HPSE2: variants seen among roughly 807,000 people sequenced by gnomAD.
The protein encoded by HPSE2 is inactive heparanase-2.
In HPSE2, 38 loss-of-function variants were observed where a neutral mutation model predicts 60.5. The ratio of observed to expected loss-of-function variants is 0.63; its 90% confidence interval spans 0.48 to 0.82. The LOEUF is 0.82. Among genes scored for constraint, HPSE2 ranks in the 40% least tolerant of loss-of-function variants. The pLI, the probability that HPSE2 is intolerant of heterozygous loss-of-function variation, is 0.00. For synonymous variants in HPSE2, 295 were observed against 293.2 expected (o/e 1.01, Z -0.06); for missense variants, 713 against 740.4 (o/e 0.96, Z 0.43).
intron 5 of HPSE2, among the ~76,000 whole-genome samples, chr10:98,703,500 A>G (rs1948467380): frequency 6.6e-6 from 1 of 152,052 alleles, no homozygotes; most frequent in Non-Finnish European, 1.5e-5. Flanking sequence ...CTTCAGGCCA[A>G]TATCGAAGCA....
intron 3 of HPSE2, among the ~76,000 whole-genome samples, chr10:98,776,809 T>C (rs376477576): frequency 4.0e-5 from 6 of 151,544 alleles, no homozygotes; most frequent in African/African-American, 1.4e-4. Flanking sequence ...TATTAGATGA[T>C]TATTGAATCA....
the HPSE2 span, among the ~76,000 whole-genome samples, chr10:99,313,588 T>C: frequency 2.0e-4 from 24 of 118,626 alleles, no homozygotes; most frequent in South Asian, 6.3e-4. Context: ...GATGACTGAC[T>C]CCAATTTTTT....
chr10:99,002,842 C>T (rs969308885), intron 3 of HPSE2, among the ~76,000 whole-genome samples: 25 of 151,970 alleles, frequency 1.6e-4, no homozygotes, highest in African/African-American at 6.0e-4. Flanking sequence ...TGGAATGGAT[C>T]AACTAAGCTA....
At position 98,482,622 on chromosome 10, in the gene HPSE2, A is replaced by C. The variant is rs746055381; in HGVS notation, c.1613+14T>G. 4 of 1,613,900 alleles carry C rather than the reference A, an allele frequency of 2.5e-6. No individual in the cohort carries two copies. The East Asian group carries it at 8.9e-5, about 36-fold the overall frequency. Reference sequence around the variant, plus strand: ...CTGCACTTGCTCCCGAGCTATTTTCAGGTTGGCACGTACTTGGACTTTAGG... The same window carrying C: ...CTGCACTTGCTCCCGAGCTATTTTCCGGTTGGCACGTACTTGGACTTTAGG... On this transcript the variant is annotated intron_variant, in intron 11 of 11. Transcript: ENST00000370552.
chr10:98,745,150 C>T (rs373126415), intron 3 of HPSE2, among the ~76,000 whole-genome samples: 1 of 152,120 alleles, frequency 6.6e-6, no homozygotes, highest in South Asian at 2.1e-4. Context: ...TGCGGTAAGC[C>T]GCGATTGCGC....
At chr10:98,590,330 T>C (rs566593278) in intron 9 of HPSE2, among the ~76,000 whole-genome samples, 176 of 152,256 alleles carry the variant, frequency 1.2e-3, no homozygotes, top group Middle Eastern at 3.4e-3. Flanking sequence ...TAGTCCCAGC[T>C]ACTCAGGAGG....
At chr10:98,553,987 T>G (rs554655658) in intron 9 of HPSE2, among the ~76,000 whole-genome samples, 1 of 152,208 alleles carries the variant, frequency 6.6e-6, no homozygotes, top group Non-Finnish European at 1.5e-5. Context: ...TAGAGCTCAC[T>G]AAGGATCCAA....
intron 2 of HPSE2, among the ~76,000 whole-genome samples, chr10:99,164,143 T>C (rs1355024743): frequency 1.3e-5 from 2 of 149,442 alleles, no homozygotes; most frequent in Non-Finnish European, 3.0e-5. Context: ...ATTCTTATTT[T>C]CTCAATCCCT....
chr10:99,277,800 A>T, the HPSE2 span, among the ~76,000 whole-genome samples: 1 of 152,126 alleles, frequency 6.6e-6, no homozygotes, highest in Non-Finnish European at 1.5e-5. Flanking sequence ...CCTCACTTTT[A>T]AAAAAACTGA....
chr10:99,234,627 G>A (rs1183426619), intron 1 of HPSE2, among the ~76,000 whole-genome samples: 2 of 152,182 alleles, frequency 1.3e-5, no homozygotes, highest in African/African-American at 4.8e-5. Context: ...AACAACCCGG[G>A]AAGAGTGTGA....
chr10:99,014,154 C>T lies in HPSE2; in HGVS notation c.610+130084G>A, dbSNP rs117988129. Among the ~76,000 whole-genome samples the T allele has an allele frequency of 8.8e-3, 1,346 of 152,338 alleles. 33 individuals are homozygous for T. The highest frequency in any genetic ancestry group is 0.042 in the Admixed American group (640 of 15,312). On this transcript the variant is annotated intron_variant, in intron 3 of 11. Transcript: ENST00000370552. ...CACGCGAGTCCCTGCTACTGCCACA[C>T]ACTCACCTGGCTCGTGGACATTGCC...
At chr10:98,476,172 A>AG (rs1404935371) in intron 11 of HPSE2, among the ~76,000 whole-genome samples, 4 of 151,270 alleles carry the variant, frequency 2.6e-5, no homozygotes, top group Non-Finnish European at 1.5e-5. Flanking sequence ...TGTCCTTTGT[A>AG]GGGACATGGA....
At chr10:98,904,621 T>C (rs1465675383) in intron 3 of HPSE2, among the ~76,000 whole-genome samples, 2 of 152,158 alleles carry the variant, frequency 1.3e-5, no homozygotes, top group Admixed American at 6.5e-5. Flanking sequence ...TCTACATACA[T>C]AGGGATAAAA....
At chr10:98,706,449 C>T (rs575104084) in intron 5 of HPSE2, among the ~76,000 whole-genome samples, 1 of 152,218 alleles carries the variant, frequency 6.6e-6, no homozygotes, top group Admixed American at 6.5e-5. Context: ...ACAAGACAAC[C>T]ACAATGAAGC....
intron 3 of HPSE2, among the ~76,000 whole-genome samples, chr10:98,882,585 C>G (rs1199324674): frequency 6.6e-6 from 1 of 152,044 alleles, no homozygotes; most frequent in African/African-American, 2.4e-5. Context: ...GAAAACCATG[C>G]AAGTATGTTT....
At chr10:98,737,047 T>G (rs1305763413) in intron 4 of HPSE2, among the ~76,000 whole-genome samples, 1 of 152,154 alleles carries the variant, frequency 6.6e-6, no homozygotes, top group Non-Finnish European at 1.5e-5. Context: ...GTAAAAAGAC[T>G]ATATGGTTTC....
intron 3 of HPSE2, among the ~76,000 whole-genome samples, chr10:98,789,560 C>CTAT (rs1478604305): frequency 2.0e-5 from 3 of 152,096 alleles, no homozygotes; most frequent in African/African-American, 7.2e-5. Flanking sequence ...TGAAATAGAC[C>CTAT]CAAATAGTTG....
intron 2 of HPSE2, among the ~76,000 whole-genome samples, chr10:99,199,662 A>C (rs2133881573): frequency 6.6e-6 from 1 of 152,138 alleles, no homozygotes; most frequent in South Asian, 2.1e-4. Context: ...CCCTTACAAA[A>C]CTATTTTAAT....
At chr10:98,868,074 AAAGAAAATAAATAAATAAAT>A (rs1952636996) in intron 3 of HPSE2, among the ~76,000 whole-genome samples, 1 of 104,822 alleles carries the variant, frequency 9.5e-6, no homozygotes, top group African/African-American at 3.7e-5. Context: ...AAAAAGAAAG[AAAGAAAATAAATAAATAAAT>A]AAATAAATAA....
Sources: gnomAD v4.1 joint callset for allele counts (sites outside exome capture counted in the v4.1 genomes callset) on GRCh38, gnomAD v4.1.1 for gene constraint, MANE v1.5 for transcripts, NCBI Gene and HGNC (gene_info 2026-07-23, HGNC 2026-07-21) for gene names.